SYNJ2: variants seen among roughly 807,000 people sequenced by gnomAD.
SYNJ2 encodes the protein polyphosphatidylinositol phosphatase SYNJ2.
In SYNJ2, 116 loss-of-function variants were observed where a neutral mutation model predicts 141.3. The ratio of observed to expected loss-of-function variants is 0.82; its 90% confidence interval spans 0.71 to 0.96. SYNJ2 has a LOEUF of 0.96. Ranked by LOEUF, SYNJ2 falls within the 40% of genes least tolerant of loss-of-function variation. The pLI, the probability that SYNJ2 is intolerant of heterozygous loss-of-function variation, is 0.00. For missense variants in SYNJ2, 1,873 were observed against 1,934.8 expected, an observed-to-expected ratio of 0.97 and a Z score of 0.60; for synonymous variants, 745 against 777.7, an observed-to-expected ratio of 0.96 and a Z score of 0.70.
rs1256887449 is a variant in SYNJ2, at chr6:158,028,785, G to A, written c.244G>A (p.Val82Met). The A allele has an allele frequency of 1.2e-6, 2 of 1,614,122 alleles. No homozygotes were observed. Among genetic ancestry groups the A allele is most frequent in the Non-Finnish European group, 1.7e-6 (2 of 1,180,012 alleles). Residue 82 changes from valine (V) to methionine (M), a missense_variant, in exon 3 of 27, where the codon GTG becomes ATG. Physicochemically the swap from Val to Met is conservative, Grantham distance 21. Transcript: ENST00000355585. ...GGTSLSFLVLVTGCTSVGRIP... is the reference protein window; with the variant it reads ...GGTSLSFLVLMTGCTSVGRIP... Reference sequence around the variant, plus strand: ...CACGTCTCTGAGCTTCCTGGTGTTGGTGACAGGCTGCACATCTGTGGGCAG... The same window carrying A: ...CACGTCTCTGAGCTTCCTGGTGTTGATGACAGGCTGCACATCTGTGGGCAG...
intron 12 of SYNJ2, 36 bp from the exon 13 acceptor site, chr6:158,068,611 G>T: frequency 6.2e-7 from 1 of 1,613,326 alleles, no homozygotes; most frequent in Middle Eastern, 1.7e-4. Flanking sequence ...GGACTTGGCG[G>T]TTCTGACTTC....
intron 1 of SYNJ2, chr6:158,001,427 G>A (rs1777853695): frequency 7.0e-6 from 1 of 142,800 alleles, no homozygotes; most frequent in African/African-American, 2.6e-5. Context: ...ATGGAGCCTG[G>A]CTCTTGTTCC....
chr6:158,024,211 G>C (rs920643833), intron 2 of SYNJ2, among the ~76,000 whole-genome samples: 2 of 152,160 alleles, frequency 1.3e-5, no homozygotes, highest in Non-Finnish European at 2.9e-5. Context: ...GACCACTAGA[G>C]GTCAGGAGTT....
intron 4 of SYNJ2, among the ~76,000 whole-genome samples, chr6:158,036,156 A>G (rs1779626111): frequency 1.3e-5 from 2 of 152,178 alleles, no homozygotes; most frequent in African/African-American, 4.8e-5. Context: ...TTGCGTGAAT[A>G]TTATTTGACT....
intron 1 of SYNJ2, among the ~76,000 whole-genome samples, chr6:158,014,856 C>T (rs1255149342): frequency 6.6e-6 from 1 of 152,220 alleles, no homozygotes; most frequent in Non-Finnish European, 1.5e-5. Flanking sequence ...GCACCCACTC[C>T]TGGGGGGCTG....
chr6:158,057,859 C>A (rs1335079634), intron 6 of SYNJ2, among the ~76,000 whole-genome samples: 1 of 152,240 alleles, frequency 6.6e-6, no homozygotes, highest in Non-Finnish European at 1.5e-5. Context: ...AGAAAGCCCA[C>A]AAGGGCTGAA....
intron 1 of SYNJ2, among the ~76,000 whole-genome samples, chr6:158,009,303 C>T (rs552217631): frequency 6.6e-6 from 1 of 152,366 alleles, no homozygotes; most frequent in East Asian, 1.9e-4. Context: ...TGTGCCTCGG[C>T]AGTGCCCCCA....
Position 158,070,585 on chromosome 6 carries a change from C to A in SYNJ2, c.1940+912C>A. 1.2e-6 allele frequency: 1 copy of A among 865,740 alleles called. No individual in the cohort carries two copies. Among genetic ancestry groups the A allele is most frequent in the Non-Finnish European group, 1.4e-6 (1 of 721,222 alleles). The allele number at this position is 865,740 out of a possible 1,614,324, so 53.6% of individuals were successfully genotyped here. ...AGAAAGGGCTCAGAGCTGAGGAGAGCCAGGTTTCCCAGGCTCGGTGTCCTC... is the reference window on the plus strand; with the variant it reads ...AGAAAGGGCTCAGAGCTGAGGAGAGACAGGTTTCCCAGGCTCGGTGTCCTC... On this transcript the variant is annotated intron_variant, in intron 14 of 26. Coordinates refer to ENST00000355585, the MANE Select transcript of SYNJ2 (RefSeq NM_003898.4). This position sits in a 1 kb window ranked among gnomAD's most constrained non-coding sequence, Gnocchi z 4.0.
rs1783015613 is a variant in SYNJ2 at position 158,086,052 on chromosome 6, C to T, written c.3209-803C>T. 3.3e-5 allele frequency among the ~76,000 whole-genome samples: 5 copies of T among 152,116 alleles called. No homozygotes were observed. The South Asian group carries it at 1.0e-3, about 31-fold the overall frequency. ...AACACGGGACACGTGGGTGGCTTTG[C>T]TACCTGGTGGGCATTGAGAGGGTCT... On this transcript the variant is annotated intron_variant, in intron 22 of 26. Coordinates refer to ENST00000355585, the MANE Select transcript of SYNJ2 (RefSeq NM_003898.4).
intron 5 of SYNJ2, among the ~76,000 whole-genome samples, chr6:158,050,060 A>ACAGGTGTGGATGCACCTCTG (rs796082722): frequency 0.018 from 2,742 of 151,916 alleles, 79 homozygotes; most frequent in African/African-American, 0.061. Context: ...ATGCAGCTCT[A>ACAGGTGTGGATGCACCTCTG]CAGGTGTGGA....
chr6:158,008,899 C>A (rs542763258), intron 1 of SYNJ2, among the ~76,000 whole-genome samples: 1 of 152,312 alleles, frequency 6.6e-6, no homozygotes, highest in African/African-American at 2.4e-5. Context: ...GAGTGACACC[C>A]AAAACCTTTC....
Position 158,076,748 on chromosome 6 carries a change from G to T in SYNJ2, c.2415G>T (p.Leu805=). 1 of 1,613,880 alleles carries T rather than the reference G, an allele frequency of 6.2e-7. No individual in the cohort carries two copies. Among genetic ancestry groups the T allele is most frequent in the Non-Finnish European group, 8.5e-7 (1 of 1,179,900 alleles). ...CRTPAWTDRV[L]WWRKKHPFDK... ...CCCCCGCCTGGACAGACAGGGTGCTGTGGTGGAGGAAGAAACATCCCTTTG... is the reference window on the plus strand; with the variant it reads ...CCCCCGCCTGGACAGACAGGGTGCTTTGGTGGAGGAAGAAACATCCCTTTG... Residue 805 remains leucine, a synonymous_variant, in exon 17 of 27, where the codon CTG becomes CTT. Coordinates refer to ENST00000355585, the MANE Select transcript of SYNJ2 (RefSeq NM_003898.4).
At chr6:158,001,287 G>A (rs1015751524) in intron 1 of SYNJ2, 10 of 151,976 alleles carry the variant, frequency 6.6e-5, no homozygotes, top group African/African-American at 2.4e-4. Context: ...TGGCCTCCAG[G>A]ATGACTATTT....
chr6:158,059,439 G>C (rs768012487), intron 7 of SYNJ2, 86 bp downstream of exon 7: 379 of 1,523,426 alleles, frequency 2.5e-4, no homozygotes, highest in Non-Finnish European at 3.3e-4. Context: ...CTCCTGCAGG[G>C]ACTGGAGCTG....
rs1005738590 is a variant in SYNJ2, at chr6:158,084,407, A to G, written c.3208+233A>G. On this transcript the variant is annotated intron_variant, in intron 22 of 26. Transcript: ENST00000355585. The surrounding 1 kb of genome is among the most constrained non-coding windows in gnomAD (Gnocchi z 5.0). ...TTTTTTTACAATAACTTGTACCCCCATAACACACCAGATTCAAGATAATTC... is the reference window on the plus strand; with the variant it reads ...TTTTTTTACAATAACTTGTACCCCCGTAACACACCAGATTCAAGATAATTC... 6.6e-6 allele frequency among the ~76,000 whole-genome samples: 1 copy of G among 152,090 alleles called. No homozygotes were observed. The highest frequency in any genetic ancestry group is 2.4e-5 in the African/African-American group (1 of 41,382).
intron 1 of SYNJ2, among the ~76,000 whole-genome samples, chr6:158,013,903 G>GT: frequency 6.6e-6 from 1 of 152,320 alleles, no homozygotes; most frequent in Non-Finnish European, 1.5e-5. Flanking sequence ...GAAAATATGT[G>GT]TGTTTGATAA....
intron 6 of SYNJ2, among the ~76,000 whole-genome samples, chr6:158,055,938 C>T (rs1339136648): frequency 6.6e-6 from 1 of 152,162 alleles, no homozygotes; most frequent in Non-Finnish European, 1.5e-5. Flanking sequence ...ATTCTACATG[C>T]GGAGTTCTTT....
chr6:158,017,167 G>T, intron 1 of SYNJ2, 37 bp from the exon 2 acceptor site: 1 of 1,605,858 alleles, frequency 6.2e-7, no homozygotes. Context: ...AGCAGGAGAC[G>T]CTCGCTGATG....
At chr6:158,033,388 G>T (rs368448996) in intron 3 of SYNJ2, 67 bp from the exon 4 acceptor site, 2 of 1,551,642 alleles carry the variant, frequency 1.3e-6, no homozygotes, top group Non-Finnish European at 8.8e-7. Context: ...AGCCACACTC[G>T]CTGTCCAGGC....
Sources: gnomAD v4.1 joint callset for allele counts (sites outside exome capture counted in the v4.1 genomes callset) on GRCh38, gnomAD v4.1.1 for gene constraint, Gnocchi (gnomAD v3.1) non-coding constraint, MANE v1.5 for transcripts, NCBI Gene and HGNC (gene_info 2026-07-23, HGNC 2026-07-21) for gene names.